Variants in C2CD2 observed in about 807,000 individuals in gnomAD.
The protein encoded by C2CD2 is C2 domain-containing protein 2.
C2CD2 carries 43 observed loss-of-function variants against 74.3 expected under a neutral mutation model. The ratio of observed to expected loss-of-function variants is 0.58; its 90% CI spans 0.45 to 0.75. C2CD2 has a LOEUF of 0.75. Among genes scored for constraint, C2CD2 ranks in the 30% least tolerant of loss-of-function variants. The pLI, the probability that C2CD2 is intolerant of heterozygous loss-of-function variation, is 0.00. For missense variants in C2CD2, 801 were observed against 916.3 expected (o/e 0.87, Z 1.63); for synonymous variants, 422 against 390.7 (o/e 1.08, Z -0.94).
At chr21:41,890,146 T>C (rs2064733682) in intron 13 of C2CD2, among the ~76,000 whole-genome samples, 1 of 152,224 alleles carries the variant, frequency 6.6e-6, no homozygotes, top group Non-Finnish European at 1.5e-5. Context: ...TTCTTAGGAA[T>C]GTTAAATAAT....
chr21:41,926,212 G>A lies in C2CD2; in HGVS notation c.379-4127C>T, dbSNP rs757016882. ...ACCATCCCCCAACCTGCATTTTTTT[G>A]ACATTTTTTTTCCCCAAAACAAGCA... On this transcript the variant is annotated intron_variant, in intron 2 of 13. Coordinates refer to ENST00000380486, the MANE Select transcript of C2CD2 (RefSeq NM_015500.2). The surrounding 1 kb of genome is among the most constrained non-coding windows in gnomAD (Gnocchi z 8.0). Among the ~76,000 whole-genome samples, 16 of 152,084 alleles carry A rather than the reference G, an allele frequency of 1.1e-4. No individual in the cohort carries two copies. The highest frequency in any genetic ancestry group is 2.2e-4 in the Non-Finnish European group (15 of 68,030).
At chr21:41,942,364 C>T (rs1344377209) in intron 1 of C2CD2, 119 bp from the exon 2 acceptor site, 3 of 749,326 alleles carry the variant, frequency 4.0e-6, no homozygotes, top group East Asian at 2.7e-5. Context: ...TTTCTGTGAA[C>T]TCTGTGCTTC....
chr21:41,931,920 C>T (rs1482922626), intron 2 of C2CD2, among the ~76,000 whole-genome samples: 5 of 84,432 alleles, frequency 5.9e-5, no homozygotes, highest in Non-Finnish European at 1.1e-4. Flanking sequence ...ATCCCACCAC[C>T]CCACCTCCAG....
At chr21:41,907,586 A>C in intron 9 of C2CD2, 74 bp downstream of exon 9, 2 of 1,512,638 alleles carry the variant, frequency 1.3e-6, no homozygotes, top group Admixed American at 2.1e-5. Flanking sequence ...GAGACTCTGC[A>C]GACATAAGTG....
At chr21:41,927,871 G>C (rs572320180) in intron 2 of C2CD2, among the ~76,000 whole-genome samples, 2 of 152,252 alleles carry the variant, frequency 1.3e-5, no homozygotes, top group African/African-American at 2.4e-5. Flanking sequence ...CCTCTTTTGG[G>C]GGAAGCCTCC....
In C2CD2 at chr21:41,886,818, C is replaced by G. The variant is rs1252782707; in HGVS notation, c.*2306G>C. ...TGACCAACATGGTGAGACTCCATTT[C>G]TACTAAATAGAATTAGCCAGGTGTG... On this transcript the variant is annotated 3_prime_UTR_variant, in exon 14 of 14. Transcript: ENST00000380486. 6.6e-6 allele frequency: 1 copy of G among 152,082 alleles called. No individual in the cohort carries two copies. Among genetic ancestry groups the G allele is most frequent in the African/African-American group, 2.4e-5 (1 of 41,386 alleles). 9.4% of individuals were successfully genotyped at this position (152,082 alleles called of 1,614,324 possible).
In C2CD2 at chr21:41,953,771, C is replaced by G. The variant is rs1478280018; in HGVS notation, c.-123G>C. 1.1e-6 allele frequency: 1 copy of G among 943,290 alleles called. No homozygotes were observed. Among genetic ancestry groups the G allele is most frequent in the African/African-American group, 1.7e-5 (1 of 58,068 alleles). 58.4% of individuals were successfully genotyped at this position (943,290 alleles called of 1,614,324 possible). ...GGGCGTGGAGGGGGCGCGGCGGGGT[C>G]GGAGCCCGGCGAGGAGCGTGGCCGG... On this transcript the variant is annotated 5_prime_UTR_variant, in exon 1 of 14. Transcript: ENST00000380486.
At chr21:41,906,321 G>A (rs773337333) in intron 10 of C2CD2, among the ~76,000 whole-genome samples, 2 of 152,186 alleles carry the variant, frequency 1.3e-5, no homozygotes, top group African/African-American at 4.8e-5. Context: ...AGAAAAAAGC[G>A]TGTGCTGTCC....
chr21:41,929,464 C>T lies in C2CD2; in HGVS notation c.379-7379G>A, dbSNP rs1246719870. Among the ~76,000 whole-genome samples, 1 of 152,252 alleles carries T rather than the reference C, an allele frequency of 6.6e-6. No homozygotes were observed. The highest frequency in any genetic ancestry group is 6.5e-5 in the Admixed American group (1 of 15,290). ...GCCCTGCACGGGAGGGGCCCCTACA[C>T]AACAGACACAGACCCTGTGGCTCAG... On this transcript the variant is annotated intron_variant, in intron 2 of 13. Coordinates refer to ENST00000380486, the MANE Select transcript of C2CD2 (RefSeq NM_015500.2). This position sits in a 1 kb window ranked among gnomAD's most constrained non-coding sequence, Gnocchi z 4.6.
intron 2 of C2CD2, among the ~76,000 whole-genome samples, chr21:41,925,243 TG>T (rs563084316): frequency 2.6e-4 from 39 of 152,102 alleles, no homozygotes; most frequent in Admixed American, 1.6e-3. Flanking sequence ...CCCAGTGCTT[TG>T]GGAGGCTGAG....
At position 41,953,808 on chromosome 21, in the gene C2CD2, C is replaced by A. The variant is rs1412099060; in HGVS notation, c.-160G>T. The A allele has an allele frequency of 8.8e-6, 5 of 566,568 alleles. No homozygotes were observed. The highest frequency in any genetic ancestry group is 2.5e-6 in the Non-Finnish European group (1 of 396,278). The allele number at this position is 566,568 out of a possible 1,614,324, so 35.1% of individuals were successfully genotyped here. A position where few individuals can be genotyped will look rare whatever the true frequency, so the allele number is the denominator to read the frequency against. Reference sequence around the variant, plus strand: ...AGGAGCGTGGCCGGGGGCCTCTGGGCGGGCAAGCGGGGAGGAAACGCGCGG... The same window carrying A: ...AGGAGCGTGGCCGGGGGCCTCTGGGAGGGCAAGCGGGGAGGAAACGCGCGG... On this transcript the variant is annotated 5_prime_UTR_variant, in exon 1 of 14. Coordinates refer to ENST00000380486, the MANE Select transcript of C2CD2 (RefSeq NM_015500.2).
In C2CD2 at chr21:41,926,434, C is replaced by T. The variant is rs150218222; in HGVS notation, c.379-4349G>A. 3.3e-4 allele frequency: 327 copies of T among 981,046 alleles called. 2 individuals carry two copies. In the African/African-American group the frequency reaches 5.2e-3, roughly 16 times the overall value. The allele number at this position is 981,046 out of a possible 1,614,324, so 60.8% of individuals were successfully genotyped here. ...CAGGTGAGGGTTTGGGTCGGGGAGC[C>T]CTGGGCAGCAGATGGAAGCACCACG... On this transcript the variant is annotated intron_variant, in intron 2 of 13. Coordinates refer to ENST00000380486, the MANE Select transcript of C2CD2 (RefSeq NM_015500.2). The surrounding 1 kb of genome is among the most constrained non-coding windows in gnomAD (Gnocchi z 8.0).
chr21:41,889,434 C>A, intron 13 of C2CD2, 90 bp from the exon 14 acceptor site: 1 of 853,264 alleles, frequency 1.2e-6, no homozygotes. Context: ...AAAGGAGGCT[C>A]GAATGCCTCT....
intron 3 of C2CD2, 40 bp downstream of exon 3, chr21:41,921,932 G>A (rs1457526611): frequency 1.6e-6 from 2 of 1,247,534 alleles, no homozygotes; most frequent in Non-Finnish European, 2.4e-6. Context: ...TCTGAGAACT[G>A]TGACGGGTCT....
intron 1 of C2CD2, among the ~76,000 whole-genome samples, chr21:41,952,613 C>T (rs550176262): frequency 6.6e-6 from 1 of 152,346 alleles, no homozygotes; most frequent in East Asian, 1.9e-4. Flanking sequence ...AATAAGTCAA[C>T]GAGTAATCAG....
intron 13 of C2CD2, among the ~76,000 whole-genome samples, chr21:41,897,488 C>CAGG (rs2064837637): frequency 1.3e-5 from 2 of 152,190 alleles, no homozygotes; most frequent in South Asian, 4.1e-4. Flanking sequence ...GGCCTCTTAA[C>CAGG]AGGAGCACAG....
At chr21:41,909,802 C>G (rs2065005545) in intron 7 of C2CD2, among the ~76,000 whole-genome samples, 1 of 152,130 alleles carries the variant, frequency 6.6e-6, no homozygotes, top group Non-Finnish European at 1.5e-5. Context: ...GCACGGAGCA[C>G]TGGAGAGGTG....
intron 13 of C2CD2, among the ~76,000 whole-genome samples, chr21:41,896,605 T>G (rs1391744368): frequency 1.3e-5 from 2 of 150,898 alleles, no homozygotes; most frequent in Non-Finnish European, 2.9e-5. Context: ...GCGGGCTGGT[T>G]TCCAACCAGC....
intron 7 of C2CD2, among the ~76,000 whole-genome samples, 192 bp from the exon 8 acceptor site, chr21:41,909,715 T>C (rs2065004682): frequency 6.6e-6 from 1 of 152,076 alleles, no homozygotes; most frequent in African/African-American, 2.4e-5. Flanking sequence ...ACTGTTAATA[T>C]TCGGTGACTA....
Sources: gnomAD v4.1 joint callset for allele counts (sites outside exome capture counted in the v4.1 genomes callset) on GRCh38, gnomAD v4.1.1 for gene constraint, Gnocchi (gnomAD v3.1) non-coding constraint, MANE v1.5 for transcripts, NCBI Gene and HGNC (gene_info 2026-07-23, HGNC 2026-07-21) for gene names.